ERMAP: variants seen among roughly 807,000 people sequenced by gnomAD.
ERMAP encodes the protein erythroblast membrane associated protein (Scianna blood group).
ERMAP carries 34 observed loss-of-function variants against 49.5 expected under a neutral mutation model. The ratio of observed to expected loss-of-function variants is 0.69; its 90% confidence interval spans 0.52 to 0.91. The LOEUF is 0.91. Ranked by LOEUF, ERMAP falls within the 40% of genes least tolerant of loss-of-function variation. The probability of loss-of-function intolerance (pLI) is 0.00; values close to 1 mark genes in which losing one functional copy is unlikely to be tolerated. For synonymous variants in ERMAP, 214 were observed against 232.2 expected (o/e 0.92, Z 0.71); for missense variants, 541 against 582.6 (o/e 0.93, Z 0.74).
chr1:42,840,153 G>A lies in ERMAP; in HGVS notation c.660G>A (p.Lys220=). The change falls in exon 10 of 12, where the codon AAG becomes AAA. Residue 220 remains lysine (K), a splice_region_variant and synonymous_variant. Coordinates refer to ENST00000372517, the MANE Select transcript of ERMAP (RefSeq NM_001017922.2). ...TTCCCCTTGTTTCTTCTTTCATAGA[G>A]TTGAAAAGAGCTGCAGCAAACTCAG... is the stretch of plus-strand genomic sequence containing the variant. ...KAVKKLRSEL[K]LKRAAANSGW... is the part of the protein sequence containing the mutation. The A allele has an allele frequency of 1.9e-6, 3 of 1,614,094 alleles. No homozygotes were observed. Among genetic ancestry groups the A allele is most frequent in the Non-Finnish European group, 2.5e-6 (3 of 1,180,016 alleles).
intron 4 of ERMAP, chr1:42,834,823 G>C: frequency 2.2e-6 from 1 of 461,614 alleles, no homozygotes; most frequent in South Asian, 2.8e-5. Flanking sequence ...CCAAAGTGCT[G>C]GTATTACAGG....
intron 6 of ERMAP, among the ~76,000 whole-genome samples, chr1:42,836,578 G>A (rs34006242): frequency 1.1e-3 from 161 of 152,206 alleles, no homozygotes; most frequent in Non-Finnish European, 1.9e-3. Flanking sequence ...AAACTTGGCC[G>A]GGCATGGTGG....
Position 42,843,959 on chromosome 1 carries a change from T to G in ERMAP, c.*727T>G, listed in dbSNP as rs1213583440. ...CACATCAGGGAGCTGGGAAACACAGTTGCAGAGAACTCAGCTGTATGTTGC... is the reference window on the plus strand; with the variant it reads ...CACATCAGGGAGCTGGGAAACACAGGTGCAGAGAACTCAGCTGTATGTTGC... On this transcript the variant is annotated 3_prime_UTR_variant, in exon 12 of 12. Coordinates refer to ENST00000372517, the MANE Select transcript of ERMAP (RefSeq NM_001017922.2). 3 of 396,930 alleles carry G rather than the reference T, an allele frequency of 7.6e-6. No homozygotes were observed. In the South Asian group the frequency reaches 4.1e-4, roughly 54 times the overall value. The allele number at this position is 396,930 out of a possible 1,614,324, so 24.6% of individuals were successfully genotyped here. A position where few individuals can be genotyped will look rare whatever the true frequency, so the allele number is the denominator to read the frequency against.
At chr1:42,835,685 G>C (rs1320674018) in intron 5 of ERMAP, 47 bp from the exon 6 acceptor site, 1 of 1,609,554 alleles carries the variant, frequency 6.2e-7, no homozygotes, top group African/African-American at 1.3e-5. Flanking sequence ...GTGCCTGTTA[G>C]AAAAAGCCCT....
intron 2 of ERMAP, 180 bp from the exon 3 acceptor site, chr1:42,830,264 G>C (rs558344705): frequency 1.7e-6 from 1 of 602,870 alleles, no homozygotes; most frequent in South Asian, 2.0e-5. Context: ...AAGAAACACA[G>C]TCTCAGAGAA....
chr1:42,826,115 G>A (rs1654538157), intron 2 of ERMAP, among the ~76,000 whole-genome samples: 1 of 152,160 alleles, frequency 6.6e-6, no homozygotes, highest in South Asian at 2.1e-4. Flanking sequence ...TTCTGATTTA[G>A]AAGTTTTAAA....
chr1:42,827,084 T>C (rs1460992448), intron 2 of ERMAP, among the ~76,000 whole-genome samples: 1 of 152,200 alleles, frequency 6.6e-6, no homozygotes, highest in Non-Finnish European at 1.5e-5. Context: ...CCTAAAGTCA[T>C]GTAAAGAAGA....
In ERMAP at chr1:42,842,727, G is replaced by T. The variant is rs1227471790; in HGVS notation, c.923G>T (p.Gly308Val). Residue 308 changes from glycine to valine, a missense_variant, in exon 12 of 12, where the codon GGA (glycine) becomes GTA (valine). Coordinates refer to ENST00000372517, the MANE Select transcript of ERMAP (RefSeq NM_001017922.2). ...YVGDKTKWIL[G>V]VCSESVSRKG... is the part of the protein sequence containing the mutation. ...GGAGACAAGACCAAATGGATTCTTG[G>T]AGTATGTAGTGAGTCAGTGAGCAGG... 2.5e-6 allele frequency: 4 copies of T among 1,614,162 alleles called. No individual in the cohort carries two copies. The highest frequency in any genetic ancestry group is 3.4e-6 in the Non-Finnish European group (4 of 1,180,026).
intron 4 of ERMAP, among the ~76,000 whole-genome samples, chr1:42,832,358 AT>A (rs1411373918): frequency 2.3e-5 from 3 of 131,976 alleles, no homozygotes; most frequent in African/African-American, 5.9e-5. Context: ...TGGCCAACTA[AT>A]TTTTTTTTCT....
rs1655144135 is a variant in ERMAP at position 42,844,020 on chromosome 1, CTGT to C, written c.*791_*793del. On this transcript the variant is annotated 3_prime_UTR_variant, in exon 12 of 12. Coordinates refer to ENST00000372517, the MANE Select transcript of ERMAP (RefSeq NM_001017922.2). The surrounding 1 kb of genome is among the most constrained non-coding windows in gnomAD (Gnocchi z 4.0). Reference sequence around the variant, plus strand: ...TGGCCCAGACCTTCAGAGGCTCAGTCTGTTGAGTCTGTTGTGACTGTCTTATGA... The same window carrying C: ...TGGCCCAGACCTTCAGAGGCTCAGTCTGAGTCTGTTGTGACTGTCTTATGA... The C allele has an allele frequency of 2.5e-6, 1 of 398,438 alleles. No individual in the cohort carries two copies. Among genetic ancestry groups the C allele is most frequent in the Non-Finnish European group, 4.4e-6 (1 of 226,050 alleles). The allele number at this position is 398,438 out of a possible 1,614,324, so 24.7% of individuals were successfully genotyped here. A position where few individuals can be genotyped will look rare whatever the true frequency, so the allele number is the denominator to read the frequency against.
At chr1:42,836,903 T>TAAAAA in intron 6 of ERMAP, 8 of 265,470 alleles carry the variant, frequency 3.0e-5, no homozygotes, top group East Asian at 6.5e-5. Flanking sequence ...GTGGCAGATT[T>TAAAAA]AAAAAAAAAA....
At chr1:42,831,239 A>G in intron 4 of ERMAP, 124 bp downstream of exon 4, 2 of 1,239,068 alleles carry the variant, frequency 1.6e-6, no homozygotes, top group Non-Finnish European at 2.2e-6. Flanking sequence ...ACTTGCCAGG[A>G]TGGCTCAGCC....
chr1:42,842,670 C>T lies in ERMAP; in HGVS notation c.866C>T (p.Thr289Met), dbSNP rs200208103. 136 of 1,614,058 alleles carry T rather than the reference C, an allele frequency of 8.4e-5. No homozygotes were observed. The highest frequency in any genetic ancestry group is 1.0e-4 in the Non-Finnish European group (121 of 1,180,052). The change falls in exon 12 of 12, where the codon ACG becomes ATG. Residue 289 changes from threonine to methionine, a missense_variant. Coordinates refer to ENST00000372517, the MANE Select transcript of ERMAP (RefSeq NM_001017922.2). ...AGCATCCTAGGCTCTGAGTACTTCA[C>T]GACTGGCTGCCACTACTGGGAGGTG... The part of the protein sequence containing the change: ...VVSILGSEYF[T>M]TGCHYWEVYV...
chr1:42,842,966 TCTGGCCCCCTTCGCCCTTTCTTTGAAC>T lies in ERMAP; in HGVS notation c.1165_1191del (p.Gly389_Pro397del), dbSNP rs1655109757. On this transcript the variant is annotated inframe_deletion, in exon 12 of 12. Coordinates refer to ENST00000372517, the MANE Select transcript of ERMAP (RefSeq NM_001017922.2). ...CATCTTTACTTTCACCCACAATTTC[TCTGGCCCCCTTCGCCCTTTCTTTGAAC>T]CTTGCCTTCATGATGGAGGAAAAAA... 6.2e-7 allele frequency: 1 copy of T among 1,614,200 alleles called. No homozygotes were observed. The highest frequency in any genetic ancestry group is 8.5e-7 in the Non-Finnish European group (1 of 1,180,038).
chr1:42,821,578 A>G (rs1303387602), intron 1 of ERMAP, among the ~76,000 whole-genome samples: 1 of 152,240 alleles, frequency 6.6e-6, no homozygotes, highest in Non-Finnish European at 1.5e-5. Context: ...TTACTTTGGA[A>G]AACAATTTAG....
chr1:42,831,414 A>G (rs1045490313), intron 4 of ERMAP, among the ~76,000 whole-genome samples: 7 of 152,102 alleles, frequency 4.6e-5, no homozygotes, highest in African/African-American at 7.2e-5. Flanking sequence ...TCATCTTTCT[A>G]TGCTCCATTA....
At chr1:42,835,263 G>C in intron 5 of ERMAP, 109 bp downstream of exon 5, 1 of 709,472 alleles carries the variant, frequency 1.4e-6, no homozygotes, top group East Asian at 2.5e-5. Context: ...CATAGGTTGG[G>C]GACACTGCAA....
At chr1:42,818,199 G>C (rs1654299181) in intron 1 of ERMAP, among the ~76,000 whole-genome samples, 1 of 152,216 alleles carries the variant, frequency 6.6e-6, no homozygotes, top group Non-Finnish European at 1.5e-5. Flanking sequence ...CACGCTTCCA[G>C]TCAAACTGTA....
chr1:42,842,761 G>A lies in ERMAP; in HGVS notation c.957G>A (p.Lys319=), dbSNP rs1482719380. 6.2e-6 allele frequency: 10 copies of A among 1,614,186 alleles called. No homozygotes were observed. The highest frequency in any genetic ancestry group is 8.5e-6 in the Non-Finnish European group (10 of 1,180,030). Residue 319 remains lysine (K), a synonymous_variant, in exon 12 of 12, where the codon AAG becomes AAA. Transcript: ENST00000372517. The stretch of plus-strand genomic sequence containing the variant: ...GTGAGTCAGTGAGCAGGAAGGGGAA[G>A]GTTACTGCCTCACCTGCCAATGGAC... ...VCSESVSRKG[K]VTASPANGHW...
Sources: allele counts gnomAD v4.1 joint callset (sites outside exome capture counted in the v4.1 genomes callset), GRCh38; gene constraint gnomAD v4.1.1; non-coding constraint Gnocchi (gnomAD v3.1); transcripts MANE v1.5; gene names NCBI Gene and HGNC (gene_info 2026-07-23, HGNC 2026-07-21).